Variants in LUZP2 observed in about 807,000 individuals in gnomAD.
LUZP2 encodes leucine zipper protein 2.
LUZP2 carries 52 observed loss-of-function variants against 51.6 expected under a neutral mutation model. The observed-to-expected ratio is 1.01, with a 90% confidence interval of 0.81 to 1.27. LUZP2 has a LOEUF of 1.27. LUZP2 is among the 50% of genes most tolerant of loss of function. The pLI is 0.00. For synonymous variants in LUZP2, 154 were observed against 137.3 expected (o/e 1.12, Z -0.85); for missense variants, 436 against 395.4 (o/e 1.10, Z -0.87).
intron 5 of LUZP2, among the ~76,000 whole-genome samples, chr11:24,794,684 C>T (rs1427916081): frequency 2.0e-5 from 3 of 151,950 alleles, no homozygotes; most frequent in Non-Finnish European, 4.4e-5. Flanking sequence ...TGTTCTTTTG[C>T]TGATTGTGTC....
At chr11:24,778,186 AG>A (rs1848993611) in intron 5 of LUZP2, among the ~76,000 whole-genome samples, 1 of 152,148 alleles carries the variant, frequency 6.6e-6, no homozygotes, top group African/African-American at 2.4e-5. Context: ...GGAATGCTTG[AG>A]TCCAAGAATT....
At chr11:24,623,160 C>A (rs558165888) in intron 1 of LUZP2, among the ~76,000 whole-genome samples, 82 of 152,008 alleles carry the variant, frequency 5.4e-4, no homozygotes, top group African/African-American at 1.0e-3. Flanking sequence ...GAACTCCCCC[C>A]CAAACAACAT....
At chr11:25,031,746 A>T (rs1857694358) in intron 9 of LUZP2, among the ~76,000 whole-genome samples, 1 of 152,044 alleles carries the variant, frequency 6.6e-6, no homozygotes, top group Admixed American at 6.6e-5. Flanking sequence ...ACAAAGGGTT[A>T]CCTTAGCTAC....
chr11:24,579,328 C>T (rs1299437362), intron 1 of LUZP2, among the ~76,000 whole-genome samples: 1 of 151,732 alleles, frequency 6.6e-6, no homozygotes, highest in Non-Finnish European at 1.5e-5. Flanking sequence ...TAAATAGAAC[C>T]TATTTTGAAA....
At chr11:24,556,026 C>T (rs1851859384) in intron 1 of LUZP2, among the ~76,000 whole-genome samples, 1 of 152,076 alleles carries the variant, frequency 6.6e-6, no homozygotes, top group Admixed American at 6.6e-5. Context: ...CCCTTTTGAT[C>T]CTGCTTTTAT....
At chr11:24,552,062 A>C (rs1465294871) in intron 1 of LUZP2, among the ~76,000 whole-genome samples, 1 of 152,018 alleles carries the variant, frequency 6.6e-6, no homozygotes, top group Non-Finnish European at 1.5e-5. Flanking sequence ...AAAACCCAAA[A>C]ACTAATCAGT....
At chr11:24,631,586 T>C (rs1854891073) in intron 1 of LUZP2, among the ~76,000 whole-genome samples, 1 of 152,012 alleles carries the variant, frequency 6.6e-6, no homozygotes, top group African/African-American at 2.4e-5. Context: ...TTTGATGTGC[T>C]ATTAGTTCAG....
chr11:24,718,108 A>G (rs933370112), intron 1 of LUZP2, among the ~76,000 whole-genome samples: 2 of 152,212 alleles, frequency 1.3e-5, no homozygotes, highest in Non-Finnish European at 2.9e-5. Flanking sequence ...TATAGAGAGA[A>G]AGGAAACAGG....
intron 1 of LUZP2, among the ~76,000 whole-genome samples, chr11:24,582,790 G>C (rs1423529472): frequency 1.3e-5 from 2 of 151,930 alleles, no homozygotes; most frequent in Non-Finnish European, 2.9e-5. Context: ...TGGTAATTGG[G>C]AATTTAAAAA....
At chr11:24,613,957 G>T (rs930641186) in intron 1 of LUZP2, among the ~76,000 whole-genome samples, 1 of 151,894 alleles carries the variant, frequency 6.6e-6, no homozygotes. Context: ...ACAGTTAACC[G>T]CCAACTCTTT....
At chr11:25,055,575 G>A (rs957208536) in intron 10 of LUZP2, among the ~76,000 whole-genome samples, 1 of 152,068 alleles carries the variant, frequency 6.6e-6, no homozygotes, top group Non-Finnish European at 1.5e-5. Flanking sequence ...ACCACCTATA[G>A]GTAGTTGCAG....
intron 9 of LUZP2, among the ~76,000 whole-genome samples, chr11:25,024,277 G>T (rs975313778): frequency 1.3e-5 from 2 of 152,086 alleles, no homozygotes; most frequent in African/African-American, 4.8e-5. Context: ...ATTCAACGTA[G>T]TGTTGGAAGT....
intron 1 of LUZP2, among the ~76,000 whole-genome samples, chr11:24,563,789 G>A (rs565260465): frequency 6.6e-6 from 1 of 151,726 alleles, no homozygotes; most frequent in Admixed American, 6.6e-5. Context: ...AAGACAAACC[G>A]CTCCTGCTAT....
intron 1 of LUZP2, among the ~76,000 whole-genome samples, chr11:24,654,186 T>C (rs1397383558): frequency 6.6e-6 from 1 of 152,158 alleles, no homozygotes; most frequent in Non-Finnish European, 1.5e-5. Context: ...TATAGATACA[T>C]AAGCCAGTTG....
intron 1 of LUZP2, among the ~76,000 whole-genome samples, chr11:24,584,200 C>T (rs980158645): frequency 2.0e-5 from 3 of 152,150 alleles, no homozygotes; most frequent in Non-Finnish European, 2.9e-5. Flanking sequence ...CTTGTATGGA[C>T]AGACCAAATG....
intron 5 of LUZP2, among the ~76,000 whole-genome samples, chr11:24,778,745 T>C (rs1849011715): frequency 6.6e-6 from 1 of 152,220 alleles, no homozygotes; most frequent in East Asian, 1.9e-4. Context: ...TTAAGACTTA[T>C]TTGCTGCATC....
intron 1 of LUZP2, among the ~76,000 whole-genome samples, chr11:24,552,665 T>C (rs1290049458): frequency 6.6e-6 from 1 of 151,854 alleles, no homozygotes; most frequent in East Asian, 1.9e-4. Context: ...ACAGCGAACA[T>C]AAAATGCAAT....
At chr11:24,499,169 A>T (rs1849915605) in intron 1 of LUZP2, among the ~76,000 whole-genome samples, 1 of 152,184 alleles carries the variant, frequency 6.6e-6, no homozygotes, top group African/African-American at 2.4e-5. Context: ...GTATGTGAAA[A>T]CTATGGTTAT....
At chr11:25,051,565 T>C (rs148272157) in intron 10 of LUZP2, among the ~76,000 whole-genome samples, 3 of 152,272 alleles carry the variant, frequency 2.0e-5, no homozygotes, top group Admixed American at 2.0e-4. Flanking sequence ...CAGGAAAATA[T>C]CACAGCAGTA....
Sources: gnomAD v4.1 joint callset for allele counts (sites outside exome capture counted in the v4.1 genomes callset) on GRCh38, gnomAD v4.1.1 for gene constraint, MANE v1.5 for transcripts, NCBI Gene and HGNC (gene_info 2026-07-23, HGNC 2026-07-21) for gene names.